The following DGKB variants were observed in gnomAD, a reference collection of about 807,000 sequenced individuals.
DGKB encodes the protein diacylglycerol kinase beta, also known as 90 kDa diacylglycerol kinase.
Under a neutral mutation model 114.3 loss-of-function variants are expected in DGKB, and 67 were observed. The ratio of observed to expected loss-of-function variants is 0.59; its 90% CI spans 0.48 to 0.72. The LOEUF (loss-of-function observed/expected upper bound fraction) is 0.72. DGKB is among the 30% of genes least tolerant of loss of function. The pLI, the probability that DGKB is intolerant of heterozygous loss-of-function variation, is 0.00. For synonymous variants in DGKB, 398 were observed against 323.1 expected (o/e 1.23, Z -2.49); for missense variants, 907 against 975.2 (o/e 0.93, Z 0.93).
intron 23 of DGKB, among the ~76,000 whole-genome samples, chr7:14,261,000 T>C (rs1322242790): frequency 1.3e-5 from 2 of 152,184 alleles, no homozygotes; most frequent in African/African-American, 4.8e-5. Flanking sequence ...GTGTGTCTAG[T>C]AGCTCACTTG....
At chr7:14,304,046 AACACACACACACACACACAC>A (rs773102280) in intron 23 of DGKB, among the ~76,000 whole-genome samples, 9 of 112,674 alleles carry the variant, frequency 8.0e-5, no homozygotes, top group Non-Finnish European at 1.4e-4. Context: ...GTTCTTATAG[AACACACACACACACACACAC>A]ACACACACAC....
chr7:14,490,413 T>C (rs1380958389), intron 20 of DGKB, among the ~76,000 whole-genome samples: 2 of 152,310 alleles, frequency 1.3e-5, no homozygotes, highest in Middle Eastern at 3.4e-3. Flanking sequence ...CAGCATAGTT[T>C]ATTTATTTGC....
At chr7:14,913,962 T>A (rs1174388227) in intron 1 of DGKB, among the ~76,000 whole-genome samples, 1 of 152,108 alleles carries the variant, frequency 6.6e-6, no homozygotes, top group Admixed American at 6.6e-5. Flanking sequence ...AAAAAACACT[T>A]GAGCAAGTAA....
Position 14,621,503 on chromosome 7 carries a change from A to G in DGKB, c.1168-9T>C. 1 of 1,524,914 alleles carries G rather than the reference A, an allele frequency of 6.6e-7. No homozygotes were observed. Among genetic ancestry groups the G allele is most frequent in the Non-Finnish European group, 8.9e-7 (1 of 1,121,212 alleles). The allele number at this position is 1,524,914 out of a possible 1,614,324, so 94.5% of individuals were successfully genotyped here. ...ACTGTTGATTGTCTTTCCTGTAAAA[A>G]AGAAAATTTTGATAAAAATAAAAAT... On this transcript the variant is annotated splice_polypyrimidine_tract_variant and intron_variant, in intron 14 of 25. Transcript: ENST00000402815.
chr7:14,650,142 G>A (rs1435848504), intron 13 of DGKB, among the ~76,000 whole-genome samples: 34 of 143,282 alleles, frequency 2.4e-4, no homozygotes, highest in African/African-American at 5.8e-4. Context: ...TGCACCAAGT[G>A]GACCTAATAG....
intron 13 of DGKB, 38 bp from the exon 14 acceptor site, chr7:14,630,306 G>C: frequency 6.6e-7 from 1 of 1,518,418 alleles, no homozygotes; most frequent in South Asian, 1.3e-5. Flanking sequence ...AGCTGAAAAA[G>C]AGTCAAACTC....
intron 1 of DGKB, among the ~76,000 whole-genome samples, chr7:14,968,392 T>C (rs1787285798): frequency 6.6e-6 from 1 of 152,172 alleles, no homozygotes; most frequent in African/African-American, 2.4e-5. Context: ...TGGTAATAAA[T>C]TACATATTTG....
chr7:14,595,524 A>G (rs1179795682), intron 17 of DGKB, among the ~76,000 whole-genome samples: 1 of 106,672 alleles, frequency 9.4e-6, no homozygotes, highest in Non-Finnish European at 1.9e-5. Flanking sequence ...TGATGTTTAT[A>G]AAAATTGAGG....
chr7:14,562,310 C>A (rs1421279163), intron 20 of DGKB, among the ~76,000 whole-genome samples: 2 of 152,198 alleles, frequency 1.3e-5, no homozygotes, highest in Non-Finnish European at 2.9e-5. Context: ...AGAACCTCTG[C>A]TAGCATGCAG....
At chr7:14,234,628 A>C (rs967429836) in intron 23 of DGKB, among the ~76,000 whole-genome samples, 1 of 152,102 alleles carries the variant, frequency 6.6e-6, no homozygotes, top group African/African-American at 2.4e-5. Context: ...ATAACAAAAA[A>C]TCATTCCAAA....
intron 25 of DGKB, among the ~76,000 whole-genome samples, chr7:14,161,671 T>TG (rs575206322): frequency 1.6e-5 from 2 of 127,422 alleles, no homozygotes; most frequent in Non-Finnish European, 3.3e-5. Context: ...TGTTGGGGGG[T>TG]GGGGGGCAAG....
intron 2 of DGKB, among the ~76,000 whole-genome samples, chr7:14,800,171 C>T (rs1841964887): frequency 6.6e-6 from 1 of 152,192 alleles, no homozygotes; most frequent in African/African-American, 2.4e-5. Context: ...CCACCTCGGC[C>T]TCCCGAAGTG....
chr7:14,880,696 G>A (rs1218647275), intron 1 of DGKB, among the ~76,000 whole-genome samples: 3 of 152,106 alleles, frequency 2.0e-5, no homozygotes, highest in African/African-American at 7.2e-5. Context: ...TAATTGTGAA[G>A]TTTATGCTCT....
At chr7:14,855,221 G>C (rs1291736645) in intron 1 of DGKB, among the ~76,000 whole-genome samples, 1 of 152,132 alleles carries the variant, frequency 6.6e-6, no homozygotes, top group Non-Finnish European at 1.5e-5. Context: ...GCCTCTCCTG[G>C]TTAGAATGAA....
intron 16 of DGKB, among the ~76,000 whole-genome samples, chr7:14,612,679 C>A (rs1460277641): frequency 6.6e-6 from 1 of 151,924 alleles, no homozygotes; most frequent in Non-Finnish European, 1.5e-5. Flanking sequence ...GGAGAGTTAT[C>A]TAAAAAGCAT....
intron 23 of DGKB, among the ~76,000 whole-genome samples, chr7:14,336,150 G>C (rs1381469087): frequency 6.6e-6 from 1 of 152,022 alleles, no homozygotes; most frequent in Non-Finnish European, 1.5e-5. Context: ...TTTTGTTTTT[G>C]GCTATTAAGT....
intron 15 of DGKB, among the ~76,000 whole-genome samples, chr7:14,618,010 A>G (rs1227610245): frequency 1.3e-5 from 2 of 151,616 alleles, no homozygotes; most frequent in Non-Finnish European, 3.0e-5. Context: ...TATAATGCTC[A>G]AAACTATAGA....
chr7:14,713,399 A>T (rs1281409946), intron 6 of DGKB, among the ~76,000 whole-genome samples: 2 of 148,482 alleles, frequency 1.3e-5, no homozygotes, highest in African/African-American at 4.8e-5. Context: ...ATATTTTGAT[A>T]CTGATTTAAT....
intron 25 of DGKB, among the ~76,000 whole-genome samples, chr7:14,160,543 A>G (rs1584133538): frequency 6.6e-6 from 1 of 152,210 alleles, no homozygotes; most frequent in Non-Finnish European, 1.5e-5. Context: ...ATACCTAGGA[A>G]TACGACTTAC....
Sources: allele counts gnomAD v4.1 joint callset (sites outside exome capture counted in the v4.1 genomes callset), GRCh38; gene constraint gnomAD v4.1.1; transcripts MANE v1.5; gene names NCBI Gene and HGNC (gene_info 2026-07-23, HGNC 2026-07-21).